UGCG: variants seen among roughly 807,000 people sequenced by gnomAD.
UGCG encodes UDP-glucose ceramide glucosyltransferase.
In UGCG, 10 loss-of-function variants were observed where a neutral mutation model predicts 49.5. The observed-to-expected ratio is 0.20, with a 90% CI of 0.12 to 0.34. UGCG has a LOEUF of 0.34. UGCG is among the 10% of genes least tolerant of loss of function. The pLI, the probability that UGCG is intolerant of heterozygous loss-of-function variation, is 1.00. For missense variants in UGCG, 312 were observed against 483.7 expected (o/e 0.65, Z 3.33); for synonymous variants, 182 against 158.2 (o/e 1.15, Z -1.13).
chr9:111,899,294 C>G (rs527594615), intron 1 of UGCG, among the ~76,000 whole-genome samples: 7 of 152,368 alleles, frequency 4.6e-5, no homozygotes, highest in African/African-American at 1.4e-4. Flanking sequence ...TGTATATTCA[C>G]AGTCCTGGTA....
At chr9:111,898,104 A>G (rs1837699151) in intron 1 of UGCG, among the ~76,000 whole-genome samples, 1 of 151,312 alleles carries the variant, frequency 6.6e-6, no homozygotes, top group Non-Finnish European at 1.5e-5. Flanking sequence ...TAAAATCTAA[A>G]TAAGGTTATG....
intron 6 of UGCG, 73 bp downstream of exon 6, chr9:111,929,751 A>G (rs1838387322): frequency 3.3e-6 from 5 of 1,530,678 alleles, no homozygotes; most frequent in Admixed American, 4.3e-5. Flanking sequence ...TGTTCAACCT[A>G]TAGATTAGGG....
At chr9:111,901,469 T>G (rs1186806812) in intron 1 of UGCG, among the ~76,000 whole-genome samples, 1 of 152,168 alleles carries the variant, frequency 6.6e-6, no homozygotes, top group Non-Finnish European at 1.5e-5. Context: ...TTCAGCCCCT[T>G]TAACCTGAGC....
Position 111,914,425 on chromosome 9 carries a change from C to T in UGCG, c.99-180C>T, listed in dbSNP as rs79980433. ...GAAAGTTTATGAATTTGTGTTGGAC[C>T]GCATTCAAAGCCATGCTTACCTGGT... On this transcript the variant is annotated intron_variant, in intron 1 of 8. Transcript: ENST00000374279. Among the ~76,000 whole-genome samples the T allele has an allele frequency of 1.2e-3, 182 of 152,230 alleles. 1 individual carries two copies. In the East Asian group the frequency reaches 0.03, roughly 25 times the overall value.
intron 1 of UGCG, 139 bp from the exon 2 acceptor site, chr9:111,914,466 G>T: frequency 1.2e-6 from 1 of 832,818 alleles, no homozygotes; most frequent in Middle Eastern, 3.7e-4. Flanking sequence ...TTCCCTTCAT[G>T]TTTAGATCCT....
chr9:111,914,494 A>C (rs1449673535), intron 1 of UGCG, 111 bp from the exon 2 acceptor site: 1 of 1,126,500 alleles, frequency 8.9e-7, no homozygotes, highest in African/African-American at 1.6e-5. Flanking sequence ...AAAGATGTCA[A>C]GTTTTAAAAA....
chr9:111,927,274 CAT>C (rs1383826921), intron 5 of UGCG, among the ~76,000 whole-genome samples: 1 of 152,102 alleles, frequency 6.6e-6, no homozygotes, highest in South Asian at 2.1e-4. Flanking sequence ...CCTTTTAAAA[CAT>C]ATTTCTAATA....
At chr9:111,932,412 T>C (rs1166416873) in intron 8 of UGCG, 53 bp downstream of exon 8, 2 of 1,510,890 alleles carry the variant, frequency 1.3e-6, no homozygotes, top group African/African-American at 1.4e-5. Context: ...ACTAGAACTA[T>C]TTCAATTTAG....
At chr9:111,911,941 T>TTCA (rs1344331292) in intron 1 of UGCG, among the ~76,000 whole-genome samples, 1 of 46,620 alleles carries the variant, frequency 2.1e-5, no homozygotes, top group Non-Finnish European at 4.0e-5. Flanking sequence ...TATATATATA[T>TTCA]ATATATATAT....
chr9:111,924,191 T>A (rs918460315), intron 3 of UGCG, among the ~76,000 whole-genome samples: 1 of 152,254 alleles, frequency 6.6e-6, no homozygotes, highest in African/African-American at 2.4e-5. Flanking sequence ...TGTAGCTTTT[T>A]CCCTTAGGAT....
intron 1 of UGCG, among the ~76,000 whole-genome samples, chr9:111,904,897 G>A (rs886863717): frequency 7.9e-5 from 12 of 152,020 alleles, no homozygotes; most frequent in African/African-American, 2.9e-4. Context: ...AGCCAAGGCG[G>A]GGAGGATCGC....
intron 4 of UGCG, 129 bp from the exon 5 acceptor site, chr9:111,926,255 A>G (rs1838310129): frequency 5.4e-6 from 3 of 559,616 alleles, no homozygotes; most frequent in Admixed American, 3.3e-5. Flanking sequence ...TATTAGATCC[A>G]TATGTTTAAA....
At position 111,931,260 on chromosome 9, in the gene UGCG, T is replaced by A. The variant is rs761792553; in HGVS notation, c.738-11T>A. 3.1e-6 allele frequency: 5 copies of A among 1,612,846 alleles called. No individual in the cohort carries two copies. Among genetic ancestry groups the A allele is most frequent in the Non-Finnish European group, 4.2e-6 (5 of 1,179,388 alleles). On this transcript the variant is annotated splice_polypyrimidine_tract_variant and intron_variant, in intron 6 of 8. Transcript: ENST00000374279. ...CATCATAACTTATTTTCTAATTATC[T>A]TAATTTTCAGAGGTTGGAGGTTTGC...
chr9:111,915,333 C>T (rs563801836), intron 2 of UGCG, among the ~76,000 whole-genome samples: 52 of 152,216 alleles, frequency 3.4e-4, no homozygotes, highest in Non-Finnish European at 4.6e-4. Context: ...GGAGACCTTC[C>T]AGTTTTCTTG....
intron 2 of UGCG, among the ~76,000 whole-genome samples, chr9:111,922,158 T>G (rs1315855362): frequency 6.6e-6 from 1 of 152,146 alleles, no homozygotes; most frequent in African/African-American, 2.4e-5. Context: ...GAAATGCCTT[T>G]CTTAATTTAC....
At chr9:111,911,478 A>G (rs1765877201) in intron 1 of UGCG, among the ~76,000 whole-genome samples, 1 of 152,154 alleles carries the variant, frequency 6.6e-6, no homozygotes, top group Non-Finnish European at 1.5e-5. Context: ...AAACCTCTGG[A>G]AGGACAAGAA....
intron 1 of UGCG, among the ~76,000 whole-genome samples, chr9:111,912,926 A>T (rs1046513421): frequency 1.3e-5 from 2 of 151,964 alleles, no homozygotes; most frequent in African/African-American, 4.8e-5. Flanking sequence ...CGTGTGTGTA[A>T]AACTGTATGG....
intron 2 of UGCG, among the ~76,000 whole-genome samples, chr9:111,918,506 CA>C (rs1295078070): frequency 6.6e-6 from 1 of 152,104 alleles, no homozygotes; most frequent in Admixed American, 6.5e-5. Context: ...ATATCAAAAA[CA>C]AATGAATCTT....
intron 2 of UGCG, 94 bp downstream of exon 2, chr9:111,914,840 G>A (rs1405323037): frequency 2.0e-6 from 3 of 1,496,594 alleles, no homozygotes; most frequent in Non-Finnish European, 2.7e-6. Flanking sequence ...ATAAGGTGAA[G>A]GTATTAAAAA....
Sources: gnomAD v4.1 joint callset for allele counts (sites outside exome capture counted in the v4.1 genomes callset) on GRCh38, gnomAD v4.1.1 for gene constraint, MANE v1.5 for transcripts, NCBI Gene and HGNC (gene_info 2026-07-23, HGNC 2026-07-21) for gene names.